Variants in SMIM35 observed in about 807,000 individuals in gnomAD.
The protein encoded by SMIM35 is TMPRSS4 antisense RNA 1 (non-protein coding).
intron 1 of SMIM35, among the ~76,000 whole-genome samples, chr11:118,046,820 A>G (rs761121782): frequency 9.9e-5 from 15 of 152,224 alleles, no homozygotes; most frequent in Non-Finnish European, 1.9e-4. Context: ...AAGTCTATTC[A>G]TATGAGAGTC....
rs1292236504 is a variant in SMIM35 at position 118,003,697 on chromosome 11, G to A, written c.*2713C>T. 1 of 152,182 alleles carries A rather than the reference G, an allele frequency of 6.6e-6. No individual in the cohort carries two copies. The highest frequency in any genetic ancestry group is 1.9e-4 in the East Asian group (1 of 5,196). The allele number at this position is 152,182 out of a possible 1,614,324, so 9.4% of individuals were successfully genotyped here. ...TGTCAAAAAACATTACGAAGCACTT[G>A]TTATGTGTTGGACATGGTGTGCAGC... On this transcript the variant is annotated 3_prime_UTR_variant, in exon 5 of 5. Transcript: ENST00000689828.
chr11:118,049,458 C>G (rs1591298380), intron 1 of SMIM35, among the ~76,000 whole-genome samples: 1 of 148,906 alleles, frequency 6.7e-6, no homozygotes, highest in Non-Finnish European at 1.5e-5. Flanking sequence ...AAGCAATTCT[C>G]CTGCCTCAGC....
chr11:118,063,967 AC>A (rs1944430391), intron 1 of SMIM35, among the ~76,000 whole-genome samples: 3 of 152,054 alleles, frequency 2.0e-5, no homozygotes, highest in African/African-American at 7.2e-5. Context: ...AGTTGTGGGA[AC>A]CCCAAATGAA....
rs77655335 is a variant in SMIM35, at chr11:118,015,882, C to A, written c.8-73G>T. 9.1e-4 allele frequency: 365 copies of A among 399,220 alleles called. 2 individuals carry two copies. The highest frequency in any genetic ancestry group is 6.5e-3 in the African/African-American group (315 of 48,740). 24.7% of individuals were successfully genotyped at this position (399,220 alleles called of 1,614,324 possible). A position where few individuals can be genotyped will look rare whatever the true frequency, so the allele number is the denominator to read the frequency against. ...CCCACCTGCACCACGTTCCAAAGTT[C>A]TCCTCCCTTCCCACTGCCTACCAAC... is the stretch of plus-strand genomic sequence containing the variant. On this transcript the variant is annotated intron_variant, in intron 1 of 4. Coordinates refer to ENST00000689828, the MANE Select transcript of SMIM35 (RefSeq NM_001394165.1).
At chr11:118,075,988 G>T (rs1200211246) in intron 1 of SMIM35, among the ~76,000 whole-genome samples, 3 of 152,280 alleles carry the variant, frequency 2.0e-5, no homozygotes, top group Non-Finnish European at 4.4e-5. Flanking sequence ...ATCCTGTGGG[G>T]CTGGGTGCGG....
intron 1 of SMIM35, among the ~76,000 whole-genome samples, chr11:118,024,803 T>C (rs1051769207): frequency 6.6e-6 from 1 of 152,132 alleles, no homozygotes; most frequent in African/African-American, 2.4e-5. Flanking sequence ...AGGAAGTAGA[T>C]GTACAGGTTT....
At chr11:118,063,582 G>A (rs1465436060) in intron 1 of SMIM35, among the ~76,000 whole-genome samples, 2 of 152,186 alleles carry the variant, frequency 1.3e-5, no homozygotes, top group Non-Finnish European at 2.9e-5. Context: ...AAGGGCCTAG[G>A]TGGCTTCAGG....
chr11:118,070,523 T>C (rs1944554589), intron 1 of SMIM35, among the ~76,000 whole-genome samples: 1 of 152,200 alleles, frequency 6.6e-6, no homozygotes, highest in African/African-American at 2.4e-5. Context: ...TGTATGTTCA[T>C]GGTCTGGAGT....
chr11:118,023,329 T>C (rs1216356044), intron 1 of SMIM35, among the ~76,000 whole-genome samples: 1 of 152,118 alleles, frequency 6.6e-6, no homozygotes, highest in African/African-American at 2.4e-5. Context: ...TCAATAAGTC[T>C]CAAATTATAA....
At chr11:118,043,252 C>G (rs920726743) in intron 1 of SMIM35, among the ~76,000 whole-genome samples, 2 of 150,204 alleles carry the variant, frequency 1.3e-5, no homozygotes, top group African/African-American at 4.9e-5. Context: ...AATCCTCCTC[C>G]TTGAAGTCTG....
At chr11:118,077,371 A>T (rs1026982147) in intron 1 of SMIM35, 1 of 1,504,262 alleles carries the variant, frequency 6.6e-7, no homozygotes, top group South Asian at 1.3e-5. Context: ...AGGCCCTTCA[A>T]GCAGCCTGAG....
intron 1 of SMIM35, among the ~76,000 whole-genome samples, chr11:118,062,008 A>G (rs543616378): frequency 2.6e-5 from 4 of 152,266 alleles, no homozygotes; most frequent in African/African-American, 9.6e-5. Context: ...ACCTCCCACC[A>G]ACTAAGCTTC....
In SMIM35 at chr11:118,015,677, C is replaced by G. The variant is rs1311612870; in HGVS notation, c.124+16G>C. On this transcript the variant is annotated intron_variant, in intron 2 of 4. Transcript: ENST00000689828. ...GCTGCGCAGAACCGGGGCTACAGGGCCCAGTGCACACTCACCCTCCCAGCA... is the reference window on the plus strand; with the variant it reads ...GCTGCGCAGAACCGGGGCTACAGGGGCCAGTGCACACTCACCCTCCCAGCA... The G allele has an allele frequency of 2.5e-6, 1 of 399,222 alleles. No homozygotes were observed. The highest frequency in any genetic ancestry group is 2.1e-5 in the African/African-American group (1 of 48,752). The allele number at this position is 399,222 out of a possible 1,614,324, so 24.7% of individuals were successfully genotyped here. A position where few individuals can be genotyped will look rare whatever the true frequency, so the allele number is the denominator to read the frequency against.
intron 1 of SMIM35, among the ~76,000 whole-genome samples, chr11:118,065,519 C>T (rs1041028192): frequency 6.6e-6 from 1 of 152,192 alleles, no homozygotes; most frequent in African/African-American, 2.4e-5. Flanking sequence ...AGGAGTATAA[C>T]TTTGTAACTT....
chr11:118,049,693 A>G (rs918338939), intron 1 of SMIM35, among the ~76,000 whole-genome samples: 1 of 152,080 alleles, frequency 6.6e-6, no homozygotes, highest in African/African-American at 2.4e-5. Flanking sequence ...GTGCTTTTTA[A>G]TGGTCATATA....
chr11:118,054,156 A>ATT (rs1345936190), intron 1 of SMIM35, among the ~76,000 whole-genome samples: 13 of 108,226 alleles, frequency 1.2e-4, no homozygotes, highest in Admixed American at 3.7e-4. Context: ...GGTTTTTGGG[A>ATT]TTTTTTTGTT....
intron 1 of SMIM35, among the ~76,000 whole-genome samples, chr11:118,052,327 AGTGG>A (rs143043615): frequency 0.018 from 2,811 of 152,120 alleles, 109 homozygotes; most frequent in East Asian, 0.1. Context: ...GTGAGAGGGA[AGTGG>A]GTGGTTTGCT....
At chr11:118,084,285 G>A (rs1034924046) in intron 1 of SMIM35, among the ~76,000 whole-genome samples, 1 of 152,154 alleles carries the variant, frequency 6.6e-6, no homozygotes, top group Admixed American at 6.5e-5. Flanking sequence ...TCTGTGCACT[G>A]TAAAACACAA....
At chr11:118,042,068 A>AAGAGAG (rs55720011) in intron 1 of SMIM35, among the ~76,000 whole-genome samples, 39,051 of 117,532 alleles carry the variant, frequency 0.33, 7,022 homozygotes, top group African/African-American at 0.46. Flanking sequence ...AAAAAAAAAA[A>AAGAGAG]AGAGAGAGAG....
Sources: allele counts gnomAD v4.1 joint callset (sites outside exome capture counted in the v4.1 genomes callset), GRCh38; gene constraint gnomAD v4.1.1; transcripts MANE v1.5; gene names NCBI Gene and HGNC (gene_info 2026-07-23, HGNC 2026-07-21).